Variants in CALCR observed in about 807,000 individuals in gnomAD.
CALCR encodes the protein calcitonin receptor.
Under a neutral mutation model 59.5 loss-of-function variants are expected in CALCR, and 47 were observed. The ratio of observed to expected loss-of-function variants is 0.79; its 90% CI spans 0.63 to 1.01. The LOEUF (loss-of-function observed/expected upper bound fraction) is 1.01, where lower values mean the gene tolerates loss of function less well. Among genes scored for constraint, CALCR ranks in the 50% least tolerant of loss-of-function variants. The pLI, the probability that CALCR is intolerant of heterozygous loss-of-function variation, is 0.00. For synonymous variants in CALCR, 213 were observed against 211.3 expected (o/e 1.01, Z -0.07); for missense variants, 566 against 597.1 (o/e 0.95, Z 0.54).
chr7:93,483,044 G>T (rs1215329433), intron 3 of CALCR, among the ~76,000 whole-genome samples: 1 of 151,724 alleles, frequency 6.6e-6, no homozygotes, highest in Admixed American at 6.6e-5. Flanking sequence ...ATACTCAGGG[G>T]ATTGGTTGCA....
At chr7:93,437,247 A>T (rs185465508) in intron 11 of CALCR, among the ~76,000 whole-genome samples, 19 of 152,260 alleles carry the variant, frequency 1.2e-4, no homozygotes, top group Admixed American at 1.2e-3. Flanking sequence ...AATTTTAAAT[A>T]TAGGAATAAT....
Position 93,519,819 on chromosome 7 carries a change from G to A in CALCR, c.-26-32812C>T, listed in dbSNP as rs558880834. On this transcript the variant is annotated intron_variant, in intron 2 of 13. Transcript: ENST00000426151. Reference sequence around the variant, plus strand: ...GTTAAATAGCAGTTCCCCTCTGCTCGCTCACTCTTCTCTCTCCTGCTGCCA... The same window carrying A: ...GTTAAATAGCAGTTCCCCTCTGCTCACTCACTCTTCTCTCTCCTGCTGCCA... 3.3e-5 allele frequency among the ~76,000 whole-genome samples: 5 copies of A among 151,784 alleles called. No homozygotes were observed. The South Asian group carries it at 1.0e-3, about 32-fold the overall frequency.
At chr7:93,535,276 A>G (rs1788955885) in intron 2 of CALCR, among the ~76,000 whole-genome samples, 2 of 151,734 alleles carry the variant, frequency 1.3e-5, no homozygotes, top group South Asian at 2.1e-4. Flanking sequence ...TATATGAGAC[A>G]TAGGTAATTA....
chr7:93,506,377 C>A (rs1801425426), intron 2 of CALCR, among the ~76,000 whole-genome samples: 1 of 152,112 alleles, frequency 6.6e-6, no homozygotes, highest in Non-Finnish European at 1.5e-5. Flanking sequence ...TATTCTCCTG[C>A]AGGTGTGTTT....
chr7:93,480,135 T>C (rs1584569756), intron 3 of CALCR, among the ~76,000 whole-genome samples: 1 of 151,936 alleles, frequency 6.6e-6, no homozygotes, highest in Non-Finnish European at 1.5e-5. Context: ...ATTTCTTAGA[T>C]ATTTATCTCA....
chr7:93,466,225 T>C (rs1800438397), intron 7 of CALCR, among the ~76,000 whole-genome samples: 1 of 151,876 alleles, frequency 6.6e-6, no homozygotes, highest in Admixed American at 6.6e-5. Flanking sequence ...GTGCATAAAT[T>C]ATGAAACCTA....
rs1408180257 is a variant in CALCR, at chr7:93,533,723, A to G, written c.-27+40566T>C. 3.3e-5 allele frequency among the ~76,000 whole-genome samples: 5 copies of G among 152,026 alleles called. No homozygotes were observed. In the East Asian group the frequency reaches 9.6e-4, roughly 29 times the overall value. ...AGTATACAGATGGGGTTCTTAGCTC[A>G]TGAAAGTTAGTAGGTAAGTAGATCT... is the stretch of plus-strand genomic sequence containing the variant. On this transcript the variant is annotated intron_variant, in intron 2 of 13. Coordinates refer to ENST00000426151, the MANE Select transcript of CALCR (RefSeq NM_001742.4).
intron 7 of CALCR, 36 bp from the exon 8 acceptor site, chr7:93,460,983 C>A (rs1800324615): frequency 6.4e-7 from 1 of 1,550,846 alleles, no homozygotes; most frequent in Non-Finnish European, 8.7e-7. Flanking sequence ...TTAACCAGTG[C>A]CAAAATGTTG....
intron 2 of CALCR, among the ~76,000 whole-genome samples, chr7:93,497,021 C>T (rs2115983539): frequency 6.6e-6 from 1 of 151,548 alleles, no homozygotes; most frequent in African/African-American, 2.4e-5. Flanking sequence ...CCACATAAAG[C>T]AAAACAGAGT....
At chr7:93,538,514 C>A (rs1236829520) in intron 2 of CALCR, among the ~76,000 whole-genome samples, 3 of 151,978 alleles carry the variant, frequency 2.0e-5, no homozygotes, top group Non-Finnish European at 4.4e-5. Flanking sequence ...GGCTTCTATC[C>A]TGGGCTAGGT....
chr7:93,529,094 T>C (rs1200666536), intron 2 of CALCR, among the ~76,000 whole-genome samples: 1 of 152,336 alleles, frequency 6.6e-6, no homozygotes, highest in Non-Finnish European at 1.5e-5. Flanking sequence ...GATGTTGATA[T>C]AGTTTGTATA....
chr7:93,433,880 G>A (rs556463288), intron 13 of CALCR, among the ~76,000 whole-genome samples: 2 of 152,348 alleles, frequency 1.3e-5, no homozygotes, highest in African/African-American at 2.4e-5. Flanking sequence ...AAGAAGGTGA[G>A]GAACTAGTAC....
intron 2 of CALCR, among the ~76,000 whole-genome samples, chr7:93,521,330 T>C (rs913932746): frequency 1.3e-5 from 2 of 152,140 alleles, no homozygotes; most frequent in Admixed American, 6.6e-5. Flanking sequence ...ATAGCAGCAG[T>C]TGGCCACCTC....
At chr7:93,504,776 T>G (rs1045834860) in intron 2 of CALCR, among the ~76,000 whole-genome samples, 1 of 152,130 alleles carries the variant, frequency 6.6e-6, no homozygotes, top group African/African-American at 2.4e-5. Flanking sequence ...GTTAATCTTT[T>G]CTGGTATTCT....
chr7:93,430,452 G>A (rs1424217567), intron 13 of CALCR, among the ~76,000 whole-genome samples: 1 of 152,112 alleles, frequency 6.6e-6, no homozygotes, highest in Non-Finnish European at 1.5e-5. Context: ...TAGAATCAGA[G>A]CTTTCTGATT....
At chr7:93,450,488 T>C (rs962894326) in intron 8 of CALCR, among the ~76,000 whole-genome samples, 4 of 152,012 alleles carry the variant, frequency 2.6e-5, no homozygotes, top group African/African-American at 9.7e-5. Context: ...CTTCTCTGAC[T>C]CTTTTCTTTT....
chr7:93,557,287 C>T (rs1789632923), intron 2 of CALCR, among the ~76,000 whole-genome samples: 1 of 151,488 alleles, frequency 6.6e-6, no homozygotes, highest in African/African-American at 2.4e-5. Flanking sequence ...TAAAAATTGA[C>T]AAATTAATAT....
chr7:93,438,850 AC>A (rs1402794702), intron 9 of CALCR, among the ~76,000 whole-genome samples: 5 of 152,092 alleles, frequency 3.3e-5, no homozygotes, highest in Non-Finnish European at 5.9e-5. Context: ...GGCTAGAGAA[AC>A]TTTATGAAGG....
At chr7:93,497,792 T>G (rs1801241867) in intron 2 of CALCR, among the ~76,000 whole-genome samples, 1 of 151,638 alleles carries the variant, frequency 6.6e-6, no homozygotes, top group Non-Finnish European at 1.5e-5. Flanking sequence ...TATATCTATT[T>G]ATCAACTCAT....
Sources: gnomAD v4.1 joint callset for allele counts (sites outside exome capture counted in the v4.1 genomes callset) on GRCh38, gnomAD v4.1.1 for gene constraint, MANE v1.5 for transcripts, NCBI Gene and HGNC (gene_info 2026-07-23, HGNC 2026-07-21) for gene names.